Variants in MERTK observed in about 807,000 individuals in gnomAD.
The protein encoded by MERTK is tyrosine-protein kinase Mer.
MERTK carries 69 observed loss-of-function variants against 99.3 expected under a neutral mutation model. That is an observed-to-expected ratio of 0.70 (90% CI 0.57 to 0.85). The LOEUF is 0.85. MERTK is among the 40% of genes least tolerant of loss of function. MERTK has a pLI of 0.00. For missense variants in MERTK, 1,125 were observed against 1,249.4 expected, an observed-to-expected ratio of 0.90 and a Z score of 1.50; for synonymous variants, 426 against 467.6, an observed-to-expected ratio of 0.91 and a Z score of 1.15.
chr2:111,975,225 GC>G (rs1676221866), intron 6 of MERTK, 63 bp from the exon 7 acceptor site: 3 of 1,521,428 alleles, frequency 2.0e-6, no homozygotes, highest in Non-Finnish European at 1.8e-6. Flanking sequence ...ATGCACACAG[GC>G]CCCGTGCCTG....
At chr2:112,006,783 C>T (rs1325470037) in intron 13 of MERTK, among the ~76,000 whole-genome samples, 1 of 152,318 alleles carries the variant, frequency 6.6e-6, no homozygotes, top group East Asian at 1.9e-4. Context: ...TGTATTCCCC[C>T]ACCTGGTTGT....
rs188219533 is a variant in MERTK, at chr2:111,948,022, G to A, written c.757+455G>A. ...GTGGCTGAATGGACATTCCATGGTC[G>A]TCTTGATTTCCATCCAAATGAAAGT... On this transcript the variant is annotated intron_variant, in intron 4 of 18. Coordinates refer to ENST00000295408, the MANE Select transcript of MERTK (RefSeq NM_006343.3). Among the ~76,000 whole-genome samples, 4 of 152,164 alleles carry A rather than the reference G, an allele frequency of 2.6e-5. No individual in the cohort carries two copies. The East Asian group carries it at 5.8e-4, about 22-fold the overall frequency.
chr2:111,940,950 A>G (rs1183491008), intron 2 of MERTK: 11 of 653,948 alleles, frequency 1.7e-5, no homozygotes, highest in African/African-American at 3.6e-5. Context: ...CAAGCCAAAC[A>G]GTGAAGTTTC....
At chr2:111,936,437 T>C (rs962890790) in intron 2 of MERTK, among the ~76,000 whole-genome samples, 3 of 152,102 alleles carry the variant, frequency 2.0e-5, no homozygotes, top group Admixed American at 6.6e-5. Flanking sequence ...AAATGAAAAA[T>C]TCTTTTTAAA....
chr2:111,966,882 T>C (rs1685368324), intron 5 of MERTK, among the ~76,000 whole-genome samples: 1 of 152,148 alleles, frequency 6.6e-6, no homozygotes, highest in African/African-American at 2.4e-5. Context: ...TGACACACCT[T>C]CCTCCTTCTC....
intron 8 of MERTK, 25 bp downstream of exon 8, chr2:111,983,018 C>CG (rs772381081): frequency 9.4e-6 from 15 of 1,594,862 alleles, no homozygotes; most frequent in Non-Finnish European, 1.2e-5. Context: ...TAGAAGAGCA[C>CG]GATTAGTCAT....
chr2:111,997,027 AT>A (rs1676760108), intron 9 of MERTK: 1 of 399,204 alleles, frequency 2.5e-6, no homozygotes, highest in South Asian at 2.6e-5. Flanking sequence ...TTTCTCATTG[AT>A]TTTAAAATTA....
chr2:111,947,045 C>T (rs1684972190), intron 3 of MERTK, among the ~76,000 whole-genome samples: 1 of 152,122 alleles, frequency 6.6e-6, no homozygotes, highest in South Asian at 2.1e-4. Flanking sequence ...GGCCAAGGGG[C>T]AAGGATCACT....
Position 111,898,612 on chromosome 2 carries a change from G to C in MERTK, c.-124G>C. The C allele has an allele frequency of 8.6e-7, 1 of 1,158,478 alleles. No homozygotes were observed. Among genetic ancestry groups the C allele is most frequent in the South Asian group, 1.3e-5 (1 of 74,488 alleles). The allele number at this position is 1,158,478 out of a possible 1,614,324, so 71.8% of individuals were successfully genotyped here. A position where few individuals can be genotyped will look rare whatever the true frequency, so the allele number is the denominator to read the frequency against. ...GCCGGCCGCTTGGCTCCGCCACTCGGCACTCACTGCCCGGGCCGCCCGGAC... is the reference window on the plus strand; with the variant it reads ...GCCGGCCGCTTGGCTCCGCCACTCGCCACTCACTGCCCGGGCCGCCCGGAC... On this transcript the variant is annotated 5_prime_UTR_variant, in exon 1 of 19. Transcript: ENST00000295408.
intron 15 of MERTK, 55 bp from the exon 16 acceptor site, chr2:112,019,358 T>A (rs750130997): frequency 4.4e-6 from 6 of 1,357,548 alleles, no homozygotes; most frequent in Middle Eastern, 1.8e-4. Flanking sequence ...AGAAACTGCT[T>A]GCAAGTTTTC....
At chr2:111,949,554 G>A (rs1685019148) in intron 4 of MERTK, among the ~76,000 whole-genome samples, 1 of 152,038 alleles carries the variant, frequency 6.6e-6, no homozygotes, top group African/African-American at 2.4e-5. Context: ...ACCCTTTATA[G>A]GATGATCACT....
Position 111,946,703 on chromosome 2 carries a change from C to T in MERTK, c.584-691C>T, listed in dbSNP as rs548440278. ...TACCATGGACAGATCTATTACATAG[C>T]TTTGTTTTACTCTGCGTTTATTTTG... is the stretch of plus-strand genomic sequence containing the variant. On this transcript the variant is annotated intron_variant, in intron 3 of 18. Coordinates refer to ENST00000295408, the MANE Select transcript of MERTK (RefSeq NM_006343.3). Among the ~76,000 whole-genome samples, 41 of 152,302 alleles carry T rather than the reference C, an allele frequency of 2.7e-4. No homozygotes were observed. In the South Asian group the frequency reaches 8.5e-3, roughly 32 times the overall value.
intron 4 of MERTK, 67 bp from the exon 5 acceptor site, chr2:111,965,124 C>A: frequency 7.2e-7 from 1 of 1,384,414 alleles, no homozygotes; most frequent in Non-Finnish European, 1.0e-6. Flanking sequence ...CAAAGACAAC[C>A]ATAGAATTGT....
At chr2:111,946,221 G>A (rs1684959261) in intron 3 of MERTK, among the ~76,000 whole-genome samples, 1 of 151,982 alleles carries the variant, frequency 6.6e-6, no homozygotes, top group Non-Finnish European at 1.5e-5. Flanking sequence ...CCAAAGAGGG[G>A]GTTTCCTACA....
chr2:111,923,991 C>A (rs1388829620), intron 1 of MERTK, among the ~76,000 whole-genome samples: 1 of 152,096 alleles, frequency 6.6e-6, no homozygotes, highest in Non-Finnish European at 1.5e-5. Flanking sequence ...TGCCCCCACA[C>A]AGGGCTGGTG....
At chr2:111,995,781 CTCTA>C in intron 9 of MERTK, among the ~76,000 whole-genome samples, 1 of 152,094 alleles carries the variant, frequency 6.6e-6, no homozygotes, top group East Asian at 1.9e-4. Flanking sequence ...GAAACCCCAT[CTCTA>C]TCTAAAATAA....
intron 15 of MERTK, among the ~76,000 whole-genome samples, chr2:112,015,576 T>C (rs4627569): frequency 0.55 from 83,631 of 152,008 alleles, 23,673 homozygotes; most frequent in Middle Eastern, 0.68. Flanking sequence ...GTTCTAAATA[T>C]AGTTCTTTTG....
chr2:112,007,445 C>T (rs1239403618), intron 13 of MERTK, among the ~76,000 whole-genome samples: 3 of 152,176 alleles, frequency 2.0e-5, no homozygotes, highest in Admixed American at 6.5e-5. Context: ...TGAGCCACTG[C>T]GCCCAGCCCC....
At chr2:111,963,263 A>G (rs1449050556) in intron 4 of MERTK, among the ~76,000 whole-genome samples, 3 of 152,260 alleles carry the variant, frequency 2.0e-5, no homozygotes, top group Non-Finnish European at 2.9e-5. Flanking sequence ...GATGGAACAT[A>G]CAATGGGGTT....
Sources: gnomAD v4.1 joint callset for allele counts (sites outside exome capture counted in the v4.1 genomes callset) on GRCh38, gnomAD v4.1.1 for gene constraint, MANE v1.5 for transcripts, NCBI Gene and HGNC (gene_info 2026-07-23, HGNC 2026-07-21) for gene names.